GALNS: variants seen among roughly 807,000 people sequenced by gnomAD.
The protein encoded by GALNS is N-acetylgalactosamine-6-sulfatase.
A neutral mutation model predicts 65.9 loss-of-function variants in GALNS; 65 were observed. The observed-to-expected ratio is 0.99, with a 90% confidence interval of 0.81 to 1.21. The LOEUF is 1.21. GALNS is among the 50% of genes most tolerant of loss of function. The pLI is 0.00. For missense variants in GALNS, 776 were observed against 700.7 expected (o/e 1.11, Z -1.21); for synonymous variants, 346 against 288.9 (o/e 1.20, Z -2.00).
Position 88,814,431 on chromosome 16 carries a change from CG to C in GALNS, c.*7del. On this transcript the variant is annotated 3_prime_UTR_variant, in exon 14 of 14. Coordinates refer to ENST00000268695, the MANE Select transcript of GALNS (RefSeq NM_000512.5). ...AGATTCTAGGCCTGGCCTGAGTCTG[CG>C]CAGGTGCTAGTGGGACCAGAGGCAC... The C allele has an allele frequency of 6.4e-7, 1 of 1,556,012 alleles. No individual in the cohort carries two copies. Among genetic ancestry groups the C allele is most frequent in the African/African-American group, 1.4e-5 (1 of 73,576 alleles).
rs187999719 is a variant in GALNS at position 88,827,388 on chromosome 16, C to T, written c.1003-550G>A. ...CTCCGGAGGGCGTGGGCACTGCTGA[C>T]CAGCCATGAGCAGAGCGTGCCATCT... On this transcript the variant is annotated intron_variant, in intron 9 of 13. Coordinates refer to ENST00000268695, the MANE Select transcript of GALNS (RefSeq NM_000512.5). Among the ~76,000 whole-genome samples the T allele has an allele frequency of 3.5e-4, 53 of 152,316 alleles. 1 individual carries two copies. The East Asian group carries it at 9.9e-3, about 28-fold the overall frequency.
At chr16:88,849,609 G>A (rs751209840) in intron 1 of GALNS, among the ~76,000 whole-genome samples, 10 of 152,246 alleles carry the variant, frequency 6.6e-5, no homozygotes, top group South Asian at 2.1e-4. Flanking sequence ...TTTTGGTAGA[G>A]ATGGAGTTTT....
At chr16:88,835,960 C>G in intron 6 of GALNS, 111 bp from the exon 7 acceptor site, 3 of 1,499,754 alleles carry the variant, frequency 2.0e-6, no homozygotes, top group Non-Finnish European at 9.1e-7. Context: ...GGTCCCCGTC[C>G]CCACGCGTCC....
intron 9 of GALNS, among the ~76,000 whole-genome samples, chr16:88,829,970 C>T (rs182090351): frequency 1.3e-5 from 2 of 152,252 alleles, no homozygotes; most frequent in African/African-American, 2.4e-5. Context: ...CGGTGGCTCA[C>T]GCCTGTAATC....
chr16:88,842,292 G>A (rs1158530259), intron 2 of GALNS: 1 of 530,324 alleles, frequency 1.9e-6, no homozygotes, highest in South Asian at 2.0e-5. Flanking sequence ...CCAGCCCCGT[G>A]CCCTGCCTTC....
chr16:88,853,521 C>A (rs1967606265), intron 1 of GALNS, among the ~76,000 whole-genome samples: 1 of 152,170 alleles, frequency 6.6e-6, no homozygotes, highest in African/African-American at 2.4e-5. Context: ...CTGGGTGGCC[C>A]TGACTCTCCA....
chr16:88,823,791 G>A (rs1238309157), intron 11 of GALNS, among the ~76,000 whole-genome samples: 16 of 142,692 alleles, frequency 1.1e-4, no homozygotes, highest in African/African-American at 3.4e-4. Context: ...CCCGGGGACC[G>A]ATGCCCAGGA....
intron 9 of GALNS, among the ~76,000 whole-genome samples, chr16:88,829,794 C>A (rs935587422): frequency 2.0e-5 from 3 of 152,234 alleles, no homozygotes; most frequent in Non-Finnish European, 4.4e-5. Context: ...GAACAGCAGC[C>A]AATCCCTGGG....
chr16:88,822,735 G>A (rs200956302), intron 11 of GALNS, 25 bp from the exon 12 acceptor site: 35 of 1,609,368 alleles, frequency 2.2e-5, no homozygotes, highest in Non-Finnish European at 2.8e-5. Flanking sequence ...GGGAAGGTGT[G>A]TCCTGGAGCC....
chr16:88,834,384 C>T (rs1435540088), intron 8 of GALNS, among the ~76,000 whole-genome samples: 1 of 126,266 alleles, frequency 7.9e-6, no homozygotes, highest in Non-Finnish European at 1.6e-5. Flanking sequence ...TGGGAAGAGG[C>T]TGCAGGGCCC....
chr16:88,830,690 G>A (rs1911410051), intron 9 of GALNS, among the ~76,000 whole-genome samples: 1 of 152,248 alleles, frequency 6.6e-6, no homozygotes, highest in South Asian at 2.1e-4. Flanking sequence ...AGCTTCCTGG[G>A]CCAGAGGAGA....
chr16:88,835,104 A>C (rs1460445283), intron 8 of GALNS, 109 bp downstream of exon 8: 3 of 1,392,222 alleles, frequency 2.2e-6, no homozygotes, highest in Non-Finnish European at 3.0e-6. Context: ...ACCCAGAGGG[A>C]CCCTTCATGC....
In GALNS at chr16:88,841,878, G is replaced by A. The variant is rs771608136; in HGVS notation, c.319+19C>T. On this transcript the variant is annotated intron_variant, in intron 3 of 13. Coordinates refer to ENST00000268695, the MANE Select transcript of GALNS (RefSeq NM_000512.5). ...ACCCTGCACCCCAAGGGTGTCCCTG[G>A]AGGCGGTGGGCAGCCTACCGTTTCT... The A allele has an allele frequency of 6.2e-7, 1 of 1,608,784 alleles. No homozygotes were observed. Among genetic ancestry groups the A allele is most frequent in the Non-Finnish European group, 8.5e-7 (1 of 1,177,490 alleles).
rs189660360 is a variant in GALNS, at chr16:88,824,962, T to C, written c.1140-93A>G. ...GGCTGCGTCTGTCATCAGTGGCTCATGCCTCCACGTGAGGTCTTGGTTGAT... is the reference window on the plus strand; with the variant it reads ...GGCTGCGTCTGTCATCAGTGGCTCACGCCTCCACGTGAGGTCTTGGTTGAT... On this transcript the variant is annotated intron_variant, in intron 10 of 13. Coordinates refer to ENST00000268695, the MANE Select transcript of GALNS (RefSeq NM_000512.5). 220 of 934,944 alleles carry C rather than the reference T, an allele frequency of 2.4e-4. No individual in the cohort carries two copies. The African/African-American group carries it at 3.3e-3, about 14-fold the overall frequency. The allele number at this position is 934,944 out of a possible 1,614,324, so 57.9% of individuals were successfully genotyped here. A position where few individuals can be genotyped will look rare whatever the true frequency, so the allele number is the denominator to read the frequency against.
intron 9 of GALNS, among the ~76,000 whole-genome samples, chr16:88,830,946 C>T (rs532205305): frequency 3.9e-5 from 6 of 152,328 alleles, no homozygotes; most frequent in African/African-American, 1.4e-4. Context: ...CTCTAAGCCC[C>T]TTCTAGAAGC....
rs549295490 is a variant in GALNS, at chr16:88,829,757, A to G, written c.1002+2241T>C. Among the ~76,000 whole-genome samples the G allele has an allele frequency of 5.9e-5, 9 of 152,088 alleles. No homozygotes were observed. The South Asian group carries it at 1.9e-3, about 32-fold the overall frequency. ...TGGCCTCAGTTTCCTGATGTGTAGA[A>G]TGAGTGGGGAAGAGGAGGATCTGGC... On this transcript the variant is annotated intron_variant, in intron 9 of 13. Transcript: ENST00000268695.
intron 1 of GALNS, among the ~76,000 whole-genome samples, chr16:88,847,458 C>T (rs1188640302): frequency 2.0e-5 from 3 of 152,210 alleles, no homozygotes; most frequent in Non-Finnish European, 4.4e-5. Flanking sequence ...CAGGACTCAC[C>T]CACAGAGTAG....
chr16:88,856,857 C>G lies in GALNS; in HGVS notation c.21G>C (p.Ala7=), dbSNP rs779939240. 3 of 1,510,860 alleles carry G rather than the reference C, an allele frequency of 2.0e-6. No individual in the cohort carries two copies. Among genetic ancestry groups the G allele is most frequent in the Admixed American group, 4.1e-5 (2 of 48,828 alleles). 93.6% of individuals were successfully genotyped at this position (1,510,860 alleles called of 1,614,324 possible). A position where few individuals can be genotyped will look rare whatever the true frequency, so the allele number is the denominator to read the frequency against. MAAVVA[A]TRWWQLLLVL... The stretch of plus-strand genomic sequence containing the variant: ...CCAGCAACAGCTGCCACCACCTCGT[C>G]GCCGCGACAACCGCCGCCATGGCAA... Residue 7 remains alanine (A), a synonymous_variant, in exon 1 of 14, where the codon GCG becomes GCC. Transcript: ENST00000268695.
At chr16:88,816,970 T>G (rs1265860851) in intron 13 of GALNS, 1 of 985,458 alleles carries the variant, frequency 1.0e-6, no homozygotes, top group Non-Finnish European at 1.2e-6. Context: ...ATCTCCACTG[T>G]GCTCGGTGGG....
Sources: gnomAD v4.1 joint callset for allele counts (sites outside exome capture counted in the v4.1 genomes callset) on GRCh38, gnomAD v4.1.1 for gene constraint, MANE v1.5 for transcripts, NCBI Gene and HGNC (gene_info 2026-07-23, HGNC 2026-07-21) for gene names.